The following DAB1 variants were observed in gnomAD, a reference collection of about 807,000 sequenced individuals.
DAB1 encodes disabled homolog 1.
In DAB1, 15 loss-of-function variants were observed where a neutral mutation model predicts 64.6. That is an observed-to-expected ratio of 0.23 (90% CI 0.16 to 0.36). DAB1 has a LOEUF of 0.36. Among genes scored for constraint, DAB1 ranks in the 10% least tolerant of loss-of-function variants. The pLI, the probability that DAB1 is intolerant of heterozygous loss-of-function variation, is 1.00. For synonymous variants in DAB1, 235 were observed against 251.9 expected (o/e 0.93, Z 0.64); for missense variants, 596 against 706.7 (o/e 0.84, Z 1.78).
intron 9 of DAB1, among the ~76,000 whole-genome samples, chr1:57,046,838 G>C (rs777139281): frequency 2.6e-5 from 4 of 152,184 alleles, no homozygotes; most frequent in Non-Finnish European, 5.9e-5. Flanking sequence ...TAGCATTATG[G>C]ACAAAGAGTT....
At chr1:57,030,305 C>A (rs936955516) in intron 9 of DAB1, among the ~76,000 whole-genome samples, 2 of 152,142 alleles carry the variant, frequency 1.3e-5, no homozygotes, top group Non-Finnish European at 2.9e-5. Context: ...TTTTTCTGTC[C>A]AGTCTTGGGT....
chr1:57,537,909 G>A (rs1222432815), intron 7 of DAB1, among the ~76,000 whole-genome samples: 3 of 152,206 alleles, frequency 2.0e-5, no homozygotes, highest in African/African-American at 7.2e-5. Context: ...AGAAGCTGGA[G>A]TGTGCAGAGA....
rs1553154140 is a variant in DAB1, at chr1:58,031,237, G to GGGAGGCTGAATGGAAGCAT, written n.387+119255_387+119273dup. Among the ~76,000 whole-genome samples the GGGAGGCTGAATGGAAGCAT allele has an allele frequency of 3.5e-4, 53 of 152,290 alleles. 1 individual carries two copies. The highest frequency in any genetic ancestry group is 3.5e-3 in the Admixed American group (53 of 15,296). On this transcript the variant is annotated intron_variant and non_coding_transcript_variant, in intron 5 of 20. Transcript: ENST00000485760. Reference sequence around the variant, plus strand: ...AGAGCACGGAGACAGAAGGGAAGCAGGGAGGCTGAATGGAAGCATGGAGGC... The same window carrying GGGAGGCTGAATGGAAGCAT: ...AGAGCACGGAGACAGAAGGGAAGCAGGGAGGCTGAATGGAAGCATGGAGGCTGAATGGAAGCATGGAGGC...
intron 6 of DAB1, among the ~76,000 whole-genome samples, chr1:57,690,195 T>G (rs1646747579): frequency 6.6e-6 from 1 of 152,212 alleles, no homozygotes; most frequent in African/African-American, 2.4e-5. Flanking sequence ...TCTTGGCTAT[T>G]GTGAACAGGG....
chr1:57,658,605 C>T (rs1422925320), intron 6 of DAB1, among the ~76,000 whole-genome samples: 1 of 152,098 alleles, frequency 6.6e-6, no homozygotes, highest in African/African-American at 2.4e-5. Flanking sequence ...ATCTATCACC[C>T]AGGCTGGAGT....
intron 5 of DAB1, among the ~76,000 whole-genome samples, chr1:58,010,500 A>G (rs1459101862): frequency 2.6e-5 from 4 of 152,156 alleles, no homozygotes; most frequent in African/African-American, 9.7e-5. Context: ...GTTGCAAGAG[A>G]AGAAGAATGT....
intron 3 of DAB1, among the ~76,000 whole-genome samples, chr1:58,489,330 G>A (rs1205138519): frequency 6.6e-6 from 1 of 152,212 alleles, no homozygotes; most frequent in Non-Finnish European, 1.5e-5. Flanking sequence ...TACGCCCACA[G>A]AGCCTCGCTC....
At chr1:58,287,505 A>G (rs1268952448) in intron 4 of DAB1, among the ~76,000 whole-genome samples, 1 of 152,058 alleles carries the variant, frequency 6.6e-6, no homozygotes, top group Admixed American at 6.6e-5. Flanking sequence ...GCTTGCTCTC[A>G]TGGTTCGCAG....
At chr1:58,536,534 T>C (rs1437797195) in intron 1 of DAB1, 2 of 872,630 alleles carry the variant, frequency 2.3e-6, no homozygotes, top group South Asian at 1.3e-5. Flanking sequence ...CCAGTTCCGA[T>C]AAAAGTCTGA....
At chr1:57,606,376 C>CTATATATATA (rs58167700) in intron 7 of DAB1, among the ~76,000 whole-genome samples, 2,568 of 117,896 alleles carry the variant, frequency 0.022, 38 homozygotes, top group Admixed American at 0.044. Flanking sequence ...CATTCTAATC[C>CTATATATATA]TATATATATA....
At chr1:57,079,022 G>T (rs1229097664) in intron 4 of DAB1, among the ~76,000 whole-genome samples, 1 of 152,036 alleles carries the variant, frequency 6.6e-6, no homozygotes, top group African/African-American at 2.4e-5. Context: ...TGTGGAAGTG[G>T]TATTTTTTGC....
rs566924038 is a variant in DAB1, at chr1:58,242,586, T to C, written n.310-91998A>G. 5.9e-5 allele frequency among the ~76,000 whole-genome samples: 9 copies of C among 152,316 alleles called. 1 individual carries two copies. The highest frequency in any genetic ancestry group is 5.9e-4 in the Admixed American group (9 of 15,302). On this transcript the variant is annotated intron_variant and non_coding_transcript_variant, in intron 4 of 20. Coordinates refer to the DAB1 transcript ENST00000485760. The stretch of plus-strand genomic sequence containing the variant: ...GAATTTGAAGTGGTTTTTACTAACC[T>C]TTATATCATTTTATACTTTTTCATT...
intron 7 of DAB1, among the ~76,000 whole-genome samples, chr1:57,563,627 A>T (rs1241665327): frequency 1.3e-5 from 2 of 152,154 alleles, no homozygotes; most frequent in Non-Finnish European, 2.9e-5. Context: ...AGCAAACGGC[A>T]CACCAAGAGA....
intron 5 of DAB1, among the ~76,000 whole-genome samples, chr1:58,012,926 T>C (rs1341190683): frequency 6.6e-6 from 1 of 152,200 alleles, no homozygotes; most frequent in Non-Finnish European, 1.5e-5. Context: ...AGATCAGATC[T>C]TGCAGAGGTG....
chr1:58,390,625 CAAAAATA>C (rs1651565307), intron 3 of DAB1, among the ~76,000 whole-genome samples: 1 of 151,980 alleles, frequency 6.6e-6, no homozygotes, highest in Admixed American at 6.5e-5. Flanking sequence ...TTTTGTGAAA[CAAAAATA>C]AAAAAGCAAT....
intron 5 of DAB1, among the ~76,000 whole-genome samples, chr1:58,032,812 A>C (rs1356756007): frequency 1.3e-5 from 2 of 152,188 alleles, no homozygotes; most frequent in Non-Finnish European, 2.9e-5. Flanking sequence ...ACAACTTGGC[A>C]TGGTGGGCAT....
intron 1 of DAB1, among the ~76,000 whole-genome samples, chr1:58,537,761 GAC>G (rs1310916029): frequency 2.0e-5 from 3 of 152,028 alleles, no homozygotes; most frequent in Non-Finnish European, 4.4e-5. Flanking sequence ...CATTTAAAGG[GAC>G]ATAAATCAAA....
chr1:57,011,024 G>A, intron 13 of DAB1, 121 bp downstream of exon 13: 1 of 1,334,534 alleles, frequency 7.5e-7, no homozygotes, highest in Non-Finnish European at 1.0e-6. Flanking sequence ...AACCCCTTGA[G>A]AACTTATGAG....
Position 57,177,075 on chromosome 1 carries a change from A to G in DAB1, c.68-31646T>C, listed in dbSNP as rs1291862948. 2.0e-5 allele frequency among the ~76,000 whole-genome samples: 3 copies of G among 152,144 alleles called. 1 individual carries two copies. Among genetic ancestry groups the G allele is most frequent in the Middle Eastern group, 6.9e-3 (2 of 290 alleles). ...CCCCTCTACCCACCAGCAGGGACAG[A>G]AGTCCATCACCAAGACAACTTAGCC... On this transcript the variant is annotated intron_variant, in intron 2 of 14. Transcript: ENST00000371236.
Sources: allele counts gnomAD v4.1 joint callset (sites outside exome capture counted in the v4.1 genomes callset), GRCh38; gene constraint gnomAD v4.1.1; transcripts MANE v1.5; gene names NCBI Gene and HGNC (gene_info 2026-07-23, HGNC 2026-07-21).